ANK2: variants seen among roughly 807,000 people sequenced by gnomAD.
ANK2 encodes the protein ankyrin 2.
In ANK2, 83 loss-of-function variants were observed where a neutral mutation model predicts 360.5. The ratio of observed to expected loss-of-function variants is 0.23; its 90% CI spans 0.19 to 0.28. The LOEUF is 0.28. ANK2 is among the 10% of genes least tolerant of loss of function. The pLI, the probability that ANK2 is intolerant of heterozygous loss-of-function variation, is 1.00. For synonymous variants in ANK2, 1,740 were observed against 1,759.5 expected (o/e 0.99, Z 0.28); for missense variants, 4,201 against 4,795.7 (o/e 0.88, Z 3.66).
the ANK2 span, among the ~76,000 whole-genome samples, chr4:112,808,754 T>C: frequency 6.6e-6 from 1 of 152,172 alleles, no homozygotes; most frequent in African/African-American, 2.4e-5. Flanking sequence ...AAAATGACAC[T>C]GGTACAGACA....
intron 2 of ANK2, among the ~76,000 whole-genome samples, chr4:113,032,016 A>G (rs995904845): frequency 6.6e-6 from 1 of 152,036 alleles, no homozygotes; most frequent in South Asian, 2.1e-4. Flanking sequence ...GATGAGCCCA[A>G]TCGAGTACTT....
At position 113,382,672 on chromosome 4, in the gene ANK2, C is replaced by CAGG. The variant is rs2097190992; in HGVS notation, c.*1201_*1202insAGG. On this transcript the variant is annotated 3_prime_UTR_variant, in exon 46 of 46. Transcript: ENST00000357077. ...TTTTTTTTCTTCAGGTTTATATCTT[C>CAGG]TCTAATACCTGCATGTGGCGTTTAA... 1 of 146,280 alleles carries CAGG rather than the reference C, an allele frequency of 6.8e-6. No individual in the cohort carries two copies. Among genetic ancestry groups the CAGG allele is most frequent in the Non-Finnish European group, 1.5e-5 (1 of 66,638 alleles). 9.1% of individuals were successfully genotyped at this position (146,280 alleles called of 1,614,324 possible). A position where few individuals can be genotyped will look rare whatever the true frequency, so the allele number is the denominator to read the frequency against.
intron 2 of ANK2, among the ~76,000 whole-genome samples, chr4:112,975,911 T>C (rs988030877): frequency 6.6e-6 from 1 of 152,166 alleles, no homozygotes; most frequent in African/African-American, 2.4e-5. Context: ...TCAATCTGTG[T>C]CTGGTTTTAG....
At chr4:113,235,503 G>A (rs1362035363) in intron 5 of ANK2, among the ~76,000 whole-genome samples, 3 of 152,252 alleles carry the variant, frequency 2.0e-5, no homozygotes, top group Non-Finnish European at 2.9e-5. Flanking sequence ...AATTACCATC[G>A]TCTCTAGAAT....
chr4:113,099,375 G>A (rs1369451826), intron 1 of ANK2, among the ~76,000 whole-genome samples: 1 of 151,620 alleles, frequency 6.6e-6, no homozygotes, highest in Non-Finnish European at 1.5e-5. Context: ...ATGAGCAATT[G>A]GAATTGGAAT....
At chr4:113,278,704 C>A (rs982960717) in intron 17 of ANK2, 146 bp downstream of exon 17, 6 of 786,066 alleles carry the variant, frequency 7.6e-6, no homozygotes, top group Non-Finnish European at 1.0e-5. Context: ...CTTTTTTTTC[C>A]CTTGTATTTC....
chr4:113,097,929 C>A (rs1306780416), intron 1 of ANK2, among the ~76,000 whole-genome samples: 1 of 146,780 alleles, frequency 6.8e-6, no homozygotes, highest in African/African-American at 2.5e-5. Context: ...CACACACACA[C>A]AAATCATAAA....
At chr4:112,846,255 G>A (rs538500901) in intron 1 of ANK2, among the ~76,000 whole-genome samples, 3 of 152,036 alleles carry the variant, frequency 2.0e-5, no homozygotes, top group African/African-American at 4.8e-5. Flanking sequence ...GACTACAAGC[G>A]TCCCACCACA....
intron 2 of ANK2, among the ~76,000 whole-genome samples, chr4:112,984,355 G>A (rs1009547638): frequency 1.3e-5 from 2 of 152,118 alleles, no homozygotes; most frequent in African/African-American, 4.8e-5. Context: ...TCACAATCAC[G>A]GAAGAAGGCA....
the ANK2 span, chr4:112,739,173 A>G: frequency 5.5e-6 from 2 of 360,894 alleles, no homozygotes; most frequent in Non-Finnish European, 1.1e-5. Flanking sequence ...AAAAACAAAC[A>G]AAAAAACTCC....
chr4:113,117,403 G>A (rs554306959), intron 1 of ANK2: 21 of 456,212 alleles, frequency 4.6e-5, no homozygotes, highest in African/African-American at 3.8e-4. Context: ...GAGAACGTAT[G>A]GAACGAAAAA....
chr4:112,868,720 A>C (rs2071628480), intron 1 of ANK2, among the ~76,000 whole-genome samples: 1 of 152,200 alleles, frequency 6.6e-6, no homozygotes, highest in Non-Finnish European at 1.5e-5. Flanking sequence ...GGTATAATTG[A>C]CAAAATGAAA....
rs761294000 is a variant in ANK2, at chr4:113,258,390, C to T, written c.1365C>T (p.Ala455=). The T allele has an allele frequency of 1.2e-5, 20 of 1,614,056 alleles. No homozygotes were observed. The highest frequency in any genetic ancestry group is 1.7e-5 in the Non-Finnish European group (20 of 1,179,914). ...NIVLLLLQNG[A]SPDVTNIRGE... ...TCCTCCTTCTGCTGCAGAACGGAGC[C>T]TCTCCAGATGTCACTAACATTGTGA... The change falls in exon 13 of 46, where the codon GCC becomes GCT. Residue 455 remains alanine (A), a synonymous_variant. Transcript: ENST00000357077.
chr4:112,925,550 CA>C (rs1489852592), intron 2 of ANK2, among the ~76,000 whole-genome samples: 2 of 152,160 alleles, frequency 1.3e-5, no homozygotes, highest in African/African-American at 4.8e-5. Flanking sequence ...CTTCAATCTG[CA>C]GGTCCCTGCT....
At chr4:113,176,541 C>T (rs927466195) in intron 2 of ANK2, among the ~76,000 whole-genome samples, 5 of 151,998 alleles carry the variant, frequency 3.3e-5, no homozygotes, top group African/African-American at 1.2e-4. Flanking sequence ...AAAGAACATT[C>T]AAACTCCCAT....
intron 10 of ANK2, among the ~76,000 whole-genome samples, chr4:113,252,676 C>G (rs1187691123): frequency 6.6e-6 from 1 of 152,164 alleles, no homozygotes; most frequent in Non-Finnish European, 1.5e-5. Flanking sequence ...TCTGCTGGGT[C>G]CTTCAGTCAT....
At chr4:112,843,270 G>C (rs940553974) in intron 1 of ANK2, among the ~76,000 whole-genome samples, 2 of 152,194 alleles carry the variant, frequency 1.3e-5, no homozygotes, top group Admixed American at 6.5e-5. Context: ...TTTGCTAAAA[G>C]ATTTTGTGTA....
intron 45 of ANK2, among the ~76,000 whole-genome samples, chr4:113,380,393 G>T (rs1416273616): frequency 6.6e-6 from 1 of 152,128 alleles, no homozygotes; most frequent in Non-Finnish European, 1.5e-5. Flanking sequence ...CAATGTGGTG[G>T]CTCACACCTG....
chr4:113,346,632 G>T (rs974471425), intron 35 of ANK2, among the ~76,000 whole-genome samples: 20 of 152,130 alleles, frequency 1.3e-4, no homozygotes, highest in Admixed American at 6.6e-4. Flanking sequence ...AGGATCACTT[G>T]AGCCCAGGAC....
Sources: allele counts gnomAD v4.1 joint callset (sites outside exome capture counted in the v4.1 genomes callset), GRCh38; gene constraint gnomAD v4.1.1; transcripts MANE v1.5; gene names NCBI Gene and HGNC (gene_info 2026-07-23, HGNC 2026-07-21).